The following ERAP1 variants were observed in gnomAD, a reference collection of about 807,000 sequenced individuals.
ERAP1 encodes adipocyte-derived leucine aminopeptidase.
Under a neutral mutation model 103.7 loss-of-function variants are expected in ERAP1, and 86 were observed. The ratio of observed to expected loss-of-function variants is 0.83; its 90% CI spans 0.70 to 0.99. The LOEUF is 0.99. Among genes scored for constraint, ERAP1 ranks in the 50% least tolerant of loss-of-function variants. The pLI, the probability that ERAP1 is intolerant of heterozygous loss-of-function variation, is 0.00. For missense variants in ERAP1, 1,009 were observed against 1,128.4 expected, an observed-to-expected ratio of 0.89 and a Z score of 1.52; for synonymous variants, 398 against 402.4, an observed-to-expected ratio of 0.99 and a Z score of 0.13.
the ERAP1 span, among the ~76,000 whole-genome samples, chr5:96,817,010 AC>A: frequency 2.6e-5 from 4 of 152,328 alleles, no homozygotes; most frequent in East Asian, 7.7e-4. Context: ...AAACAGAGGA[AC>A]TGTATAGTAA....
chr5:96,890,153 G>A, the ERAP1 span, among the ~76,000 whole-genome samples: 2 of 152,104 alleles, frequency 1.3e-5, no homozygotes, highest in Admixed American at 6.5e-5. Flanking sequence ...AATAAAAAAC[G>A]TTATTTTTAG....
At chr5:96,844,123 G>A in the ERAP1 span, among the ~76,000 whole-genome samples, 1 of 152,298 alleles carries the variant, frequency 6.6e-6, no homozygotes, top group East Asian at 1.9e-4. Flanking sequence ...AAACCTTGGT[G>A]TGGATGTTTG....
the ERAP1 span, among the ~76,000 whole-genome samples, chr5:96,883,168 G>A: frequency 6.6e-6 from 1 of 152,132 alleles, no homozygotes; most frequent in Non-Finnish European, 1.5e-5. Context: ...TCCAGTGGGG[G>A]ACACGTGAAG....
At chr5:96,934,461 T>C in the ERAP1 span, 1 of 152,366 alleles carries the variant, frequency 6.6e-6, no homozygotes, top group East Asian at 1.9e-4. Flanking sequence ...ACTTGGCGAC[T>C]TCCGGGAACA....
At chr5:96,905,787 G>GGCA in the ERAP1 span, among the ~76,000 whole-genome samples, 1 of 152,114 alleles carries the variant, frequency 6.6e-6, no homozygotes, top group Non-Finnish European at 1.5e-5. Context: ...GGGTGGCTGA[G>GGCA]GCACATGAAT....
chr5:96,923,693 CAA>C, the ERAP1 span, among the ~76,000 whole-genome samples: 25 of 73,650 alleles, frequency 3.4e-4, no homozygotes, highest in Admixed American at 6.3e-4. Flanking sequence ...GACTCTGTCT[CAA>C]AAAAAAAAAA....
the ERAP1 span, among the ~76,000 whole-genome samples, chr5:96,877,731 A>T: frequency 1.3e-5 from 2 of 151,740 alleles, no homozygotes; most frequent in African/African-American, 4.8e-5. Context: ...AAGCCACTCC[A>T]TTTTTTTTAA....
chr5:96,833,190 C>T, the ERAP1 span, among the ~76,000 whole-genome samples: 1 of 152,086 alleles, frequency 6.6e-6, no homozygotes, highest in Admixed American at 6.5e-5. Context: ...ATTTGGAGAC[C>T]AATATTTAGA....
the ERAP1 span, among the ~76,000 whole-genome samples, chr5:96,843,817 C>T: frequency 5.3e-5 from 8 of 152,274 alleles, no homozygotes; most frequent in East Asian, 1.9e-4. Flanking sequence ...GTCCAAGAGC[C>T]AGAGGTAACA....
chr5:96,780,956 A>G (rs72773922), intron 17 of ERAP1, 102 bp downstream of exon 17: 152,254 of 1,388,292 alleles, frequency 0.11, 9,288 homozygotes, highest in Non-Finnish European at 0.12. Context: ...TTCAATCAAA[A>G]AGTACCTTTA....
chr5:96,800,814 A>G, intron 3 of ERAP1, 48 bp downstream of exon 3: 1 of 1,607,774 alleles, frequency 6.2e-7, no homozygotes. Flanking sequence ...CAAGTCACAG[A>G]GAATCAGTAG....
chr5:96,809,916 T>A (rs1779053020), upstream of ERAP1, among the ~76,000 whole-genome samples: 1 of 152,230 alleles, frequency 6.6e-6, no homozygotes, highest in Admixed American at 6.5e-5. Context: ...TGTGTCTTTT[T>A]AAATACATAT....
chr5:96,931,536 C>T, the ERAP1 span, among the ~76,000 whole-genome samples: 4 of 152,186 alleles, frequency 2.6e-5, no homozygotes, highest in Middle Eastern at 3.4e-3. Context: ...GTTTTGTGCT[C>T]GGTGAGGGTG....
At chr5:96,897,011 C>T in the ERAP1 span, 1 of 247,264 alleles carries the variant, frequency 4.0e-6, no homozygotes, top group African/African-American at 4.5e-5. Context: ...GGCAGCACTT[C>T]CCTTTTTCCT....
chr5:96,778,596 A>T (rs1041335696), intron 18 of ERAP1, among the ~76,000 whole-genome samples: 1 of 152,186 alleles, frequency 6.6e-6, no homozygotes, highest in Non-Finnish European at 1.5e-5. Context: ...CTTCAAGGTC[A>T]TGGACACATG....
chr5:96,886,339 G>T, the ERAP1 span, among the ~76,000 whole-genome samples: 1 of 152,200 alleles, frequency 6.6e-6, no homozygotes. Context: ...TGATGCCAGT[G>T]TTGGAAATTA....
the ERAP1 span, among the ~76,000 whole-genome samples, chr5:96,849,884 C>G: frequency 6.6e-6 from 1 of 152,082 alleles, no homozygotes; most frequent in Non-Finnish European, 1.5e-5. Flanking sequence ...GTAATCAAAA[C>G]AGCATGGTAC....
At chr5:96,824,557 C>T in the ERAP1 span, among the ~76,000 whole-genome samples, 1 of 152,148 alleles carries the variant, frequency 6.6e-6, no homozygotes, top group Non-Finnish European at 1.5e-5. Context: ...ATCATACTGA[C>T]CTTCTTTCAT....
upstream of ERAP1, among the ~76,000 whole-genome samples, chr5:96,808,487 A>G (rs540165392): frequency 6.6e-6 from 1 of 151,902 alleles, no homozygotes; most frequent in Non-Finnish European, 1.5e-5. Flanking sequence ...GGAAAGAAAC[A>G]TGAACCCAGT....
Sources: allele counts gnomAD v4.1 joint callset (sites outside exome capture counted in the v4.1 genomes callset), GRCh38; gene constraint gnomAD v4.1.1; transcripts MANE v1.5; gene names NCBI Gene and HGNC (gene_info 2026-07-23, HGNC 2026-07-21).